PDE10A: variants seen among roughly 807,000 people sequenced by gnomAD.
The protein encoded by PDE10A is cAMP and cAMP-inhibited cGMP 3',5'-cyclic phosphodiesterase 10A.
Under a neutral mutation model 97.7 loss-of-function variants are expected in PDE10A, and 39 were observed. The ratio of observed to expected loss-of-function variants is 0.40; its 90% CI spans 0.31 to 0.52. The LOEUF (loss-of-function observed/expected upper bound fraction) is 0.52. Ranked by LOEUF, PDE10A falls within the 20% of genes least tolerant of loss-of-function variation. The pLI, the probability that PDE10A is intolerant of heterozygous loss-of-function variation, is 0.56. For missense variants in PDE10A, 731 were observed against 1,047.8 expected (o/e 0.70, Z 4.17); for synonymous variants, 371 against 376.8 (o/e 0.98, Z 0.18).
At chr6:165,558,850 T>A (rs577409802) in intron 1 of PDE10A, among the ~76,000 whole-genome samples, 1 of 152,260 alleles carries the variant, frequency 6.6e-6, no homozygotes, top group African/African-American at 2.4e-5. Flanking sequence ...ATACCTAATA[T>A]AAATGACGAG....
At position 165,428,681 on chromosome 6, in the gene PDE10A, C is replaced by A; in HGVS notation, c.1630G>T (p.Asp544Tyr). The change falls in exon 10 of 22, where the codon GAT (aspartate) becomes TAT (tyrosine). Residue 544 changes from aspartate (D) to tyrosine (Y), a missense_variant. Physicochemically the swap from Asp to Tyr is radical, Grantham distance 160 (BLOSUM62 -3). Transcript: ENST00000539869. The stretch of plus-strand genomic sequence containing the variant: ...ACCATTATGTGTTCAAGTAGAGAAT[C>A]TATTGCAACTATGTTATCAAAATAT... ...KTYFDNIVAI[D>Y]SLLEHIMIYA... 2 of 1,347,792 alleles carry A rather than the reference C, an allele frequency of 1.5e-6. No homozygotes were observed. The highest frequency in any genetic ancestry group is 1.3e-5 in the South Asian group (1 of 78,532). 83.5% of individuals were successfully genotyped at this position (1,347,792 alleles called of 1,614,324 possible).
At chr6:165,601,004 A>C (rs1786912813) in intron 1 of PDE10A, among the ~76,000 whole-genome samples, 1 of 152,204 alleles carries the variant, frequency 6.6e-6, no homozygotes, top group South Asian at 2.1e-4. Flanking sequence ...TCCCCACCCA[A>C]ATCTCAACTT....
At chr6:165,808,245 G>A (rs1351839197) in intron 1 of PDE10A, among the ~76,000 whole-genome samples, 1 of 152,212 alleles carries the variant, frequency 6.6e-6, no homozygotes, top group Non-Finnish European at 1.5e-5. Context: ...CAGCTTGTGA[G>A]CATGTGATCT....
At chr6:165,397,629 G>C (rs1786270488) in intron 13 of PDE10A, among the ~76,000 whole-genome samples, 1 of 147,722 alleles carries the variant, frequency 6.8e-6, no homozygotes. Flanking sequence ...TTGAACCTGG[G>C]AGGTAGTGAT....
chr6:165,801,586 A>T (rs1369937541), intron 1 of PDE10A, among the ~76,000 whole-genome samples: 1 of 152,236 alleles, frequency 6.6e-6, no homozygotes, highest in East Asian at 1.9e-4. Context: ...TTATCTTGCC[A>T]TAACGGACTT....
chr6:165,911,545 C>T (rs1181333199), intron 1 of PDE10A, among the ~76,000 whole-genome samples: 1 of 151,946 alleles, frequency 6.6e-6, no homozygotes, highest in Non-Finnish European at 1.5e-5. Context: ...CAGTAACTCC[C>T]ATCTACACTG....
chr6:165,725,717 G>C (rs9365915), intron 1 of PDE10A, among the ~76,000 whole-genome samples: 65,954 of 151,802 alleles, frequency 0.43, 15,307 homozygotes, highest in Non-Finnish European at 0.53. Flanking sequence ...TTATTCCTCC[G>C]TAGCAATCTT....
At chr6:165,832,077 G>A (rs1779936884) in intron 1 of PDE10A, among the ~76,000 whole-genome samples, 1 of 152,182 alleles carries the variant, frequency 6.6e-6, no homozygotes, top group Admixed American at 6.5e-5. Flanking sequence ...TTACAAAAGT[G>A]AATGTATTTT....
intron 2 of PDE10A, among the ~76,000 whole-genome samples, chr6:165,521,540 G>A (rs1782128910): frequency 6.6e-6 from 1 of 152,184 alleles, no homozygotes; most frequent in African/African-American, 2.4e-5. Flanking sequence ...GTGAACACAT[G>A]AGTGATACAA....
chr6:165,842,357 C>T (rs1780286856), intron 1 of PDE10A, among the ~76,000 whole-genome samples: 1 of 152,162 alleles, frequency 6.6e-6, no homozygotes, highest in Non-Finnish European at 1.5e-5. Context: ...CACAAATGTA[C>T]CCATTAGAGT....
intron 1 of PDE10A, among the ~76,000 whole-genome samples, chr6:165,761,051 C>A (rs1439843347): frequency 1.3e-5 from 2 of 152,154 alleles, no homozygotes; most frequent in African/African-American, 4.8e-5. Context: ...CATTTGCAGC[C>A]GGGAGGGGCC....
intron 1 of PDE10A, among the ~76,000 whole-genome samples, chr6:165,620,942 A>C (rs959521332): frequency 1.3e-5 from 2 of 151,122 alleles, no homozygotes; most frequent in Non-Finnish European, 2.9e-5. Context: ...AATCGATTGA[A>C]CCTGGGAGGC....
chr6:165,639,440 T>TA (rs1377327187), intron 1 of PDE10A, among the ~76,000 whole-genome samples: 1 of 151,928 alleles, frequency 6.6e-6, no homozygotes, highest in African/African-American at 2.4e-5. Context: ...AAAATCAAGA[T>TA]AAAAAATGAA....
chr6:165,463,742 A>G (rs1160557120), intron 3 of PDE10A, among the ~76,000 whole-genome samples: 4 of 152,230 alleles, frequency 2.6e-5, no homozygotes, highest in Admixed American at 6.5e-5. Flanking sequence ...CTGCAGCAGC[A>G]CTGTGACATG....
chr6:165,558,877 A>C (rs1784388169), intron 1 of PDE10A, among the ~76,000 whole-genome samples: 1 of 152,246 alleles, frequency 6.6e-6, no homozygotes, highest in South Asian at 2.1e-4. Flanking sequence ...AGTGCAGCAC[A>C]CCAACATGGC....
chr6:165,468,810 C>T (rs762613826), intron 3 of PDE10A, among the ~76,000 whole-genome samples: 3 of 152,184 alleles, frequency 2.0e-5, no homozygotes, highest in Non-Finnish European at 4.4e-5. Flanking sequence ...TACTCCATTA[C>T]TGGATTGTTA....
intron 3 of PDE10A, among the ~76,000 whole-genome samples, chr6:165,458,938 T>A (rs573420673): frequency 1.3e-5 from 2 of 152,286 alleles, no homozygotes; most frequent in South Asian, 4.1e-4. Flanking sequence ...CCCGTCTAAG[T>A]TCAAATCCCA....
chr6:165,644,635 C>T (rs181844991), intron 1 of PDE10A, among the ~76,000 whole-genome samples: 518 of 152,314 alleles, frequency 3.4e-3, no homozygotes, highest in African/African-American at 0.012. Flanking sequence ...ACAACATATA[C>T]GTATATTGAA....
chr6:165,857,358 A>G (rs1467125467), intron 1 of PDE10A, among the ~76,000 whole-genome samples: 3 of 152,162 alleles, frequency 2.0e-5, no homozygotes, highest in Admixed American at 2.0e-4. Flanking sequence ...CCAACATTTC[A>G]CTGAAGGTTT....
Sources: gnomAD v4.1 joint callset for allele counts (sites outside exome capture counted in the v4.1 genomes callset) on GRCh38, gnomAD v4.1.1 for gene constraint, MANE v1.5 for transcripts, NCBI Gene and HGNC (gene_info 2026-07-23, HGNC 2026-07-21) for gene names.